CCDC88C: variants seen among roughly 807,000 people sequenced by gnomAD.
CCDC88C encodes the protein coiled-coil and HOOK domain protein 88C, also known as protein Daple.
CCDC88C carries 131 observed loss-of-function variants against 198.8 expected under a neutral mutation model. That is an observed-to-expected ratio of 0.66 (90% CI 0.57 to 0.76). The LOEUF (loss-of-function observed/expected upper bound fraction) is 0.76. Ranked by LOEUF, CCDC88C falls within the 30% of genes least tolerant of loss-of-function variation. The pLI is 0.00. For missense variants in CCDC88C, 2,553 were observed against 2,631.6 expected (o/e 0.97, Z 0.65); for synonymous variants, 1,166 against 1,114.7 (o/e 1.05, Z -0.92).
At chr14:91,387,346 G>A (rs1357468820) in intron 3 of CCDC88C, among the ~76,000 whole-genome samples, 1 of 152,196 alleles carries the variant, frequency 6.6e-6, no homozygotes, top group Non-Finnish European at 1.5e-5. Context: ...TCCGGGCCAT[G>A]GAGGTTTGGC....
intron 21 of CCDC88C, 136 bp downstream of exon 21, chr14:91,299,791 A>C (rs1285888529): frequency 2.5e-6 from 3 of 1,198,802 alleles, no homozygotes; most frequent in Non-Finnish European, 3.4e-6. Flanking sequence ...TATTTTACCC[A>C]CCCAGCTGTT....
At chr14:91,350,596 T>G (rs898210737) in intron 4 of CCDC88C, among the ~76,000 whole-genome samples, 1 of 152,158 alleles carries the variant, frequency 6.6e-6, no homozygotes, top group Non-Finnish European at 1.5e-5. Flanking sequence ...CTGCACACTC[T>G]CTGCCCTTGC....
chr14:91,303,631 T>C (rs891649774), intron 20 of CCDC88C, 70 bp downstream of exon 20: 42 of 1,437,920 alleles, frequency 2.9e-5, no homozygotes, highest in Non-Finnish European at 3.6e-5. Context: ...GGCCCCACCT[T>C]TCCCCCTGGG....
chr14:91,272,865 C>G lies in CCDC88C; in HGVS notation c.5847G>C (p.Glu1949Asp). Residue 1949 changes from glutamate to aspartate, a missense_variant, in exon 30 of 30, where the codon GAG becomes GAC. This residue lies in a region of CCDC88C where 1,293 missense variants were observed against 1,219.6 expected (regional missense o/e 1.06). Transcript: ENST00000389857. ...TKPKAPPRSG[E>D]VATITPVRAG... Reference sequence around the variant, plus strand: ...CCCGGACAGGGGTGATGGTGGCCACCTCCCCTGAGCGTGGGGGCGCCTTGG... The same window carrying G: ...CCCGGACAGGGGTGATGGTGGCCACGTCCCCTGAGCGTGGGGGCGCCTTGG... 6.3e-7 allele frequency: 1 copy of G among 1,591,332 alleles called. No homozygotes were observed. The highest frequency in any genetic ancestry group is 8.5e-7 in the Non-Finnish European group (1 of 1,171,258).
intron 10 of CCDC88C, among the ~76,000 whole-genome samples, chr14:91,336,768 G>A (rs1235605558): frequency 6.6e-6 from 1 of 152,194 alleles, no homozygotes; most frequent in Non-Finnish European, 1.5e-5. Context: ...GAACAGACAG[G>A]TCCTCGCCAC....
intron 20 of CCDC88C, 78 bp from the exon 21 acceptor site, chr14:91,300,148 G>A: frequency 1.3e-6 from 2 of 1,534,800 alleles, no homozygotes; most frequent in Non-Finnish European, 8.8e-7. Context: ...CAGAGGATCT[G>A]CGTGCCTCCC....
At chr14:91,280,190 C>T (rs1890141308) in intron 27 of CCDC88C, among the ~76,000 whole-genome samples, 1 of 152,174 alleles carries the variant, frequency 6.6e-6, no homozygotes, top group South Asian at 2.1e-4. Context: ...TTGTCCCTGC[C>T]ACCCCCAGCA....
intron 2 of CCDC88C, among the ~76,000 whole-genome samples, chr14:91,412,668 C>A (rs955644978): frequency 1.3e-5 from 2 of 152,118 alleles, no homozygotes; most frequent in Non-Finnish European, 2.9e-5. Context: ...ATCTCCTGAC[C>A]TTGTGATCCG....
At chr14:91,385,418 G>A (rs1360269016) in intron 3 of CCDC88C, among the ~76,000 whole-genome samples, 1 of 152,140 alleles carries the variant, frequency 6.6e-6, no homozygotes, top group East Asian at 1.9e-4. Flanking sequence ...ACGAAGGTGG[G>A]AGCCTCCTAC....
At chr14:91,296,255 C>T (rs1890997212) in intron 22 of CCDC88C, among the ~76,000 whole-genome samples, 1 of 152,250 alleles carries the variant, frequency 6.6e-6, no homozygotes, top group South Asian at 2.1e-4. Flanking sequence ...GACCTGTGTT[C>T]CACCCTGAGT....
chr14:91,417,271 G>A, intron 1 of CCDC88C: 1 of 691,674 alleles, frequency 1.4e-6, no homozygotes, highest in East Asian at 2.7e-5. Flanking sequence ...TGGTTGGGAA[G>A]AATGGGGTCC....
At chr14:91,417,609 GC>G (rs1157229457) in intron 1 of CCDC88C, 21 bp downstream of exon 1, 1 of 1,578,674 alleles carries the variant, frequency 6.3e-7, no homozygotes, top group Admixed American at 1.7e-5. Flanking sequence ...CAACAAAGGG[GC>G]GGGGAGCCAG....
At position 91,313,181 on chromosome 14, in the gene CCDC88C, A is replaced by G. The variant is rs767221582; in HGVS notation, c.2635T>C (p.Cys879Arg). The part of the protein sequence containing the change: ...SRALDKELAR[C>R]RDAAGKLKEL... ...TTCAGCTTGCCGGCTGCGTCCCTGC[A>G]GCGGGCCAGCTCCTTGTCCAGCGCG... Residue 879 changes from cysteine to arginine, a missense_variant, in exon 15 of 30, where the codon TGC (cysteine) becomes CGC (arginine). By Grantham distance (180) the Cys-to-Arg change is radical. Coordinates refer to ENST00000389857, the MANE Select transcript of CCDC88C (RefSeq NM_001080414.4). This position sits in a 1 kb window ranked among gnomAD's most constrained non-coding sequence, Gnocchi z 5.2. 1.2e-6 allele frequency: 2 copies of G among 1,612,964 alleles called. No individual in the cohort carries two copies. The highest frequency in any genetic ancestry group is 1.7e-6 in the Non-Finnish European group (2 of 1,179,228).
chr14:91,416,653 C>A, intron 2 of CCDC88C, 85 bp downstream of exon 2: 2 of 1,005,212 alleles, frequency 2.0e-6, no homozygotes, highest in Non-Finnish European at 3.1e-6. Flanking sequence ...CACACACACC[C>A]CGCCATGCAA....
intron 4 of CCDC88C, among the ~76,000 whole-genome samples, chr14:91,355,213 C>T (rs567922966): frequency 7.2e-5 from 11 of 152,190 alleles, no homozygotes; most frequent in African/African-American, 2.6e-4. Context: ...GAGGAGAGCT[C>T]GGCTTCTGGG....
At chr14:91,329,136 G>A (rs1189400579) in intron 10 of CCDC88C, among the ~76,000 whole-genome samples, 1 of 152,192 alleles carries the variant, frequency 6.6e-6, no homozygotes, top group African/African-American at 2.4e-5. Flanking sequence ...CCAGCTTCAT[G>A]GACATCCCTT....
At chr14:91,274,657 T>C (rs1034766591) in intron 29 of CCDC88C, among the ~76,000 whole-genome samples, 5 of 152,240 alleles carry the variant, frequency 3.3e-5, no homozygotes, top group African/African-American at 1.2e-4. Context: ...AGTTTGACGC[T>C]ACACATCTTG....
At chr14:91,358,322 T>C (rs1193621079) in intron 4 of CCDC88C, among the ~76,000 whole-genome samples, 1 of 152,158 alleles carries the variant, frequency 6.6e-6, no homozygotes, top group African/African-American at 2.4e-5. Context: ...CCCGAGTCCC[T>C]TTTGGAAATG....
intron 25 of CCDC88C, chr14:91,285,818 C>T: frequency 7.8e-7 from 1 of 1,288,698 alleles, no homozygotes; most frequent in Non-Finnish European, 1.0e-6. Flanking sequence ...CAAAAAGGGA[C>T]TCTTTTTGCG....
Sources: allele counts gnomAD v4.1 joint callset (sites outside exome capture counted in the v4.1 genomes callset), GRCh38; gene constraint gnomAD v4.1.1; regional missense constraint gnomAD v4.1.1; non-coding constraint Gnocchi (gnomAD v3.1); transcripts MANE v1.5; gene names NCBI Gene and HGNC (gene_info 2026-07-23, HGNC 2026-07-21).